SESTD1: variants seen among roughly 807,000 people sequenced by gnomAD.
SESTD1 encodes the protein SEC14 domain and spectrin repeat-containing protein 1.
In SESTD1, 43 loss-of-function variants were observed where a neutral mutation model predicts 101.7. That is an observed-to-expected ratio of 0.42 (90% CI 0.33 to 0.55). The LOEUF is 0.55. Among genes scored for constraint, SESTD1 ranks in the 20% least tolerant of loss-of-function variants. SESTD1 has a pLI of 0.07. For missense variants in SESTD1, 647 were observed against 815.1 expected, an observed-to-expected ratio of 0.79 and a Z score of 2.51; for synonymous variants, 283 against 286.8, an observed-to-expected ratio of 0.99 and a Z score of 0.13.
chr2:179,224,820 T>C (rs1165207524), intron 1 of SESTD1, among the ~76,000 whole-genome samples: 2 of 152,192 alleles, frequency 1.3e-5, no homozygotes, highest in Admixed American at 1.3e-4. Flanking sequence ...CCAGAGGTCA[T>C]AGAAGCTCTA....
chr2:179,233,089 A>G (rs905809131), intron 1 of SESTD1, among the ~76,000 whole-genome samples: 14 of 152,178 alleles, frequency 9.2e-5, no homozygotes, highest in African/African-American at 3.4e-4. Context: ...AACAAAACAA[A>G]TGTCTCTATT....
intron 1 of SESTD1, among the ~76,000 whole-genome samples, chr2:179,229,800 C>G (rs1320216795): frequency 8.6e-5 from 12 of 139,176 alleles, no homozygotes; most frequent in East Asian, 2.0e-4. Context: ...CACACACACA[C>G]ACACACACAC....
rs78965119 is a variant in SESTD1, at chr2:179,221,175, A to T, written c.-25-29309T>A. On this transcript the variant is annotated intron_variant, in intron 1 of 17. Coordinates refer to ENST00000428443, the MANE Select transcript of SESTD1 (RefSeq NM_178123.5). ...ATTGGGGAGGGGAGGAAATGTAAAA[A>T]TAGTTTTTAAAAAAGGTTAAAAAAG... 2.4e-3 allele frequency among the ~76,000 whole-genome samples: 365 copies of T among 152,318 alleles called. 15 individuals carry two copies. In the East Asian group the frequency reaches 0.062, roughly 26 times the overall value.
At chr2:179,166,163 T>C (rs2045830870) in intron 5 of SESTD1, among the ~76,000 whole-genome samples, 1 of 152,048 alleles carries the variant, frequency 6.6e-6, no homozygotes, top group African/African-American at 2.4e-5. Context: ...CCATGGGAAG[T>C]ATAGACACAA....
chr2:179,260,114 G>A (rs1388814395), intron 1 of SESTD1, among the ~76,000 whole-genome samples: 2 of 152,130 alleles, frequency 1.3e-5, no homozygotes, highest in Non-Finnish European at 2.9e-5. Context: ...TGTATAGCAT[G>A]TTACAGTTCA....
At chr2:179,256,849 C>T (rs1180578874) in intron 1 of SESTD1, among the ~76,000 whole-genome samples, 1 of 150,520 alleles carries the variant, frequency 6.6e-6, no homozygotes, top group African/African-American at 2.4e-5. Context: ...TGAGCAGTCA[C>T]TTCTTACAGA....
chr2:179,157,158 A>C (rs10208882), intron 5 of SESTD1, among the ~76,000 whole-genome samples: 1,535 of 152,210 alleles, frequency 0.01, 23 homozygotes, highest in African/African-American at 0.032. Context: ...GGGATATACC[A>C]AACCAAGGAG....
intron 5 of SESTD1, among the ~76,000 whole-genome samples, chr2:179,158,802 T>C (rs1479168471): frequency 1.3e-5 from 2 of 152,188 alleles, no homozygotes; most frequent in East Asian, 3.8e-4. Context: ...AGCCCTGCCA[T>C]GTAGACATAC....
At chr2:179,231,316 G>A (rs1396966264) in intron 1 of SESTD1, among the ~76,000 whole-genome samples, 1 of 151,836 alleles carries the variant, frequency 6.6e-6, no homozygotes. Flanking sequence ...TGCAACTGAA[G>A]AAAATGGAAA....
chr2:179,217,839 A>G (rs2105523475), intron 1 of SESTD1, among the ~76,000 whole-genome samples: 1 of 152,334 alleles, frequency 6.6e-6, no homozygotes, highest in Middle Eastern at 3.4e-3. Flanking sequence ...AGAAACATGG[A>G]TGAAGCTGGA....
At chr2:179,143,399 C>T (rs557514741) in intron 9 of SESTD1, among the ~76,000 whole-genome samples, 193 bp downstream of exon 9, 1 of 152,268 alleles carries the variant, frequency 6.6e-6, no homozygotes, top group Non-Finnish European at 1.5e-5. Context: ...TGCTCAATGT[C>T]ATCACTGTGA....
intron 13 of SESTD1, among the ~76,000 whole-genome samples, chr2:179,120,566 T>C (rs1460157598): frequency 6.6e-6 from 1 of 152,204 alleles, no homozygotes; most frequent in Non-Finnish European, 1.5e-5. Flanking sequence ...ATAAATGTGT[T>C]TTCAAGAAAG....
chr2:179,148,422 T>A (rs1315798861), intron 7 of SESTD1, among the ~76,000 whole-genome samples: 1 of 152,232 alleles, frequency 6.6e-6, no homozygotes, highest in Non-Finnish European at 1.5e-5. Context: ...GCTGACAAGG[T>A]TGTAAAGTTC....
Position 179,216,688 on chromosome 2 carries a change from A to G in SESTD1, c.-25-24822T>C, listed in dbSNP as rs1181601626. Among the ~76,000 whole-genome samples the G allele has an allele frequency of 1.5e-5, 2 of 135,150 alleles. 1 individual carries two copies. The highest frequency in any genetic ancestry group is 1.4e-4 in the Admixed American group (2 of 13,912). The allele number at this position is 135,150 out of a possible 152,430, so 88.7% of individuals were successfully genotyped here. On this transcript the variant is annotated intron_variant, in intron 1 of 17. Coordinates refer to ENST00000428443, the MANE Select transcript of SESTD1 (RefSeq NM_178123.5). ...CCACATTGCCAAGACAATCCTACGCAAAAAGAACAAGGCTGTAGGCATCAT... is the reference window on the plus strand; with the variant it reads ...CCACATTGCCAAGACAATCCTACGCGAAAAGAACAAGGCTGTAGGCATCAT...
intron 2 of SESTD1, among the ~76,000 whole-genome samples, chr2:179,187,785 A>C (rs2046255876): frequency 6.6e-6 from 1 of 152,240 alleles, no homozygotes; most frequent in South Asian, 2.1e-4. Flanking sequence ...CACTATTCTC[A>C]TATCAGAAAA....
chr2:179,188,907 T>C (rs1413864130), intron 2 of SESTD1, among the ~76,000 whole-genome samples: 3 of 152,054 alleles, frequency 2.0e-5, no homozygotes, highest in African/African-American at 7.2e-5. Context: ...CAGCCCAATA[T>C]TGAGTTCTAA....
Position 179,178,146 on chromosome 2 carries a change from C to T in SESTD1, c.165-1608G>A, listed in dbSNP as rs183304952. On this transcript the variant is annotated intron_variant, in intron 3 of 17. Coordinates refer to ENST00000428443, the MANE Select transcript of SESTD1 (RefSeq NM_178123.5). ...AATGGATGCACAACCTGTGAATATA[C>T]TAAAAATCACCGAATTGTCTACTTT... Among the ~76,000 whole-genome samples, 18 of 152,298 alleles carry T rather than the reference C, an allele frequency of 1.2e-4. No individual in the cohort carries two copies. In the East Asian group the frequency reaches 2.9e-3, roughly 25 times the overall value.
intron 1 of SESTD1, among the ~76,000 whole-genome samples, chr2:179,199,676 A>C (rs1209208171): frequency 6.6e-6 from 1 of 152,206 alleles, no homozygotes; most frequent in East Asian, 1.9e-4. Context: ...AATGTAATCC[A>C]GCATATAAAC....
At chr2:179,173,952 C>T (rs1178635652) in intron 4 of SESTD1, among the ~76,000 whole-genome samples, 1 of 151,882 alleles carries the variant, frequency 6.6e-6, no homozygotes, top group Non-Finnish European at 1.5e-5. Flanking sequence ...AAATGGAAAA[C>T]CTTTGGAGGT....
Sources: allele counts gnomAD v4.1 joint callset (sites outside exome capture counted in the v4.1 genomes callset), GRCh38; gene constraint gnomAD v4.1.1; transcripts MANE v1.5; gene names NCBI Gene and HGNC (gene_info 2026-07-23, HGNC 2026-07-21).